CHD6: variants seen among roughly 807,000 people sequenced by gnomAD.
CHD6 encodes the protein chromodomain helicase DNA binding protein 6.
A neutral mutation model predicts 276.9 loss-of-function variants in CHD6; 50 were observed. That is an observed-to-expected ratio of 0.18 (90% CI 0.14 to 0.23). The LOEUF is 0.23. CHD6 is among the 10% of genes least tolerant of loss of function. The pLI is 1.00. For synonymous variants in CHD6, 1,173 were observed against 1,229.3 expected (o/e 0.95, Z 0.96); for missense variants, 2,564 against 3,365.8 (o/e 0.76, Z 5.89).
chr20:41,441,611 T>C (rs916842920), intron 25 of CHD6, among the ~76,000 whole-genome samples: 6 of 152,220 alleles, frequency 3.9e-5, no homozygotes. Flanking sequence ...CTCCCTGACC[T>C]GGGCAAGCTT....
chr20:41,497,605 A>C, intron 7 of CHD6, 104 bp from the exon 8 acceptor site: 1 of 824,582 alleles, frequency 1.2e-6, no homozygotes, highest in East Asian at 2.5e-5. Flanking sequence ...GAAATAGTAA[A>C]ATGGTTTATT....
rs1214757688 is a variant in CHD6 at position 41,473,267 on chromosome 20, T to C, written c.2664+55A>G. The C allele has an allele frequency of 5.2e-6, 8 of 1,546,628 alleles. No homozygotes were observed. Among genetic ancestry groups the C allele is most frequent in the Non-Finnish European group, 7.1e-6 (8 of 1,128,130 alleles). ...TCTGTAGCCAAGCCAGGCCCTATCA[T>C]GATGTTCTGGGATCCAGGGCAGCTA... On this transcript the variant is annotated intron_variant, in intron 17 of 36. Transcript: ENST00000373233. The surrounding 1 kb of genome is among the most constrained non-coding windows in gnomAD (Gnocchi z 4.1).
At chr20:41,429,332 T>G (rs984511785) in intron 27 of CHD6, among the ~76,000 whole-genome samples, 4 of 152,190 alleles carry the variant, frequency 2.6e-5, no homozygotes, top group Non-Finnish European at 4.4e-5. Flanking sequence ...TTTCTGTAGG[T>G]TCACTGAATC....
At chr20:41,590,000 C>A (rs914967936) in intron 1 of CHD6, among the ~76,000 whole-genome samples, 1 of 470 alleles carries the variant, frequency 2.1e-3, no homozygotes, top group South Asian at 0.083. Flanking sequence ...CAGCATGGTA[C>A]GGGTACAAAA....
chr20:41,458,671 C>T (rs1003401440), intron 17 of CHD6, among the ~76,000 whole-genome samples: 1 of 152,136 alleles, frequency 6.6e-6, no homozygotes, highest in African/African-American at 2.4e-5. Flanking sequence ...GACTGGTAGT[C>T]TTTCAATAGT....
chr20:41,412,852 A>G (rs1009787961), intron 35 of CHD6, among the ~76,000 whole-genome samples: 1 of 152,244 alleles, frequency 6.6e-6, no homozygotes, highest in African/African-American at 2.4e-5. Context: ...CTAAAGCAGA[A>G]TAACCATAAA....
chr20:41,550,496 T>TA (rs1260561360), intron 2 of CHD6, among the ~76,000 whole-genome samples: 2 of 152,138 alleles, frequency 1.3e-5, no homozygotes, highest in Non-Finnish European at 2.9e-5. Flanking sequence ...CCCATAACCC[T>TA]AAGTTACCCT....
chr20:41,548,991 T>C (rs1313632402), intron 2 of CHD6, among the ~76,000 whole-genome samples: 3 of 152,040 alleles, frequency 2.0e-5, no homozygotes, highest in African/African-American at 7.3e-5. Context: ...AGTCAGGAAA[T>C]AACAGGTGCT....
chr20:41,544,674 T>C (rs1482281863), intron 2 of CHD6, among the ~76,000 whole-genome samples: 1 of 150,194 alleles, frequency 6.7e-6, no homozygotes, highest in Admixed American at 6.7e-5. Flanking sequence ...ATGTTAATAT[T>C]TTATACTAAT....
chr20:41,421,303 T>C lies in CHD6; in HGVS notation c.5332A>G (p.Lys1778Glu). The C allele has an allele frequency of 6.2e-7, 1 of 1,614,180 alleles. No homozygotes were observed. Among genetic ancestry groups the C allele is most frequent in the Non-Finnish European group, 8.5e-7 (1 of 1,180,034 alleles). The change falls in exon 31 of 37, where the codon AAA (lysine) becomes GAA (glutamate). Residue 1778 changes from lysine (K) to glutamate (E), a missense_variant. By Grantham distance (56) the Lys-to-Glu change is moderately conservative (BLOSUM62 1). Coordinates refer to ENST00000373233, the MANE Select transcript of CHD6 (RefSeq NM_032221.5). ...TTTGAAATAGACATCAACAAATGTT[T>C]TCCATTTTTGATGTTTGCTTGAGCT... ...GVAQANIKNG[K>E]HLLMSISKEG...
chr20:41,612,330 T>G (rs772812782), intron 1 of CHD6, among the ~76,000 whole-genome samples: 1 of 152,228 alleles, frequency 6.6e-6, no homozygotes, highest in Non-Finnish European at 1.5e-5. Flanking sequence ...ATGACCTCTT[T>G]CATATCCTCT....
intron 1 of CHD6, among the ~76,000 whole-genome samples, chr20:41,555,977 A>T (rs2045228708): frequency 6.6e-6 from 1 of 152,250 alleles, no homozygotes; most frequent in Non-Finnish European, 1.5e-5. Flanking sequence ...GCACTGAGTG[A>T]GCCAGACTCC....
chr20:41,414,727 T>G (rs1309898208), intron 34 of CHD6: 6 of 636,648 alleles, frequency 9.4e-6, no homozygotes, highest in African/African-American at 1.9e-5. Context: ...AGGAGCAAAG[T>G]GAGTCTCAGT....
intron 35 of CHD6, among the ~76,000 whole-genome samples, chr20:41,412,477 G>C (rs1009254556): frequency 6.6e-6 from 1 of 152,222 alleles, no homozygotes; most frequent in African/African-American, 2.4e-5. Context: ...AAAACAGGCT[G>C]TGTGGGCACC....
chr20:41,541,796 C>T (rs751296597), intron 2 of CHD6, among the ~76,000 whole-genome samples: 6 of 152,198 alleles, frequency 3.9e-5, no homozygotes, highest in Non-Finnish European at 8.8e-5. Flanking sequence ...AAAACCTTTC[C>T]ACCCCCAAAT....
chr20:41,544,249 C>A (rs2044998924), intron 2 of CHD6, among the ~76,000 whole-genome samples: 1 of 151,834 alleles, frequency 6.6e-6, no homozygotes, highest in African/African-American at 2.4e-5. Context: ...CAAAAAAAAA[C>A]AAAGTTAGGC....
chr20:41,580,867 CT>C lies in CHD6; in HGVS notation c.-23-29508del, dbSNP rs372988218. ...CTGGGAAATTTATTTCTCTATTGAT[CT>C]TATTCCCCTAGGAATAGGGCAGATT... On this transcript the variant is annotated intron_variant, in intron 1 of 36. Coordinates refer to ENST00000373233, the MANE Select transcript of CHD6 (RefSeq NM_032221.5). Among the ~76,000 whole-genome samples the C allele has an allele frequency of 8.3e-4, 126 of 152,236 alleles. 1 individual carries two copies. The highest frequency in any genetic ancestry group is 2.9e-3 in the African/African-American group (121 of 41,538).
intron 1 of CHD6, among the ~76,000 whole-genome samples, chr20:41,589,096 A>C (rs1326000909): frequency 6.6e-6 from 1 of 152,206 alleles, no homozygotes; most frequent in African/African-American, 2.4e-5. Flanking sequence ...CTGGCATATA[A>C]ACAGAACCAA....
At position 41,415,511 on chromosome 20, in the gene CHD6, G is replaced by T. The variant is rs2046967654; in HGVS notation, c.6614C>A (p.Pro2205His). ...CCCATGCCAGCCATTGAGGATGATA[G>T]GGGTGTGCCCGTGGGTGGCAGAGAA... Reference protein sequence around the residue: ...EQFSATHGHTPIILNGWHGES... With the variant: ...EQFSATHGHTHIILNGWHGES... The change falls in exon 34 of 37, where the codon CCT becomes CAT. Residue 2205 changes from proline (P) to histidine (H), a missense_variant. Pro to His is a moderately conservative substitution (Grantham distance 77). Coordinates refer to ENST00000373233, the MANE Select transcript of CHD6 (RefSeq NM_032221.5). The T allele has an allele frequency of 1.2e-6, 2 of 1,614,120 alleles. No individual in the cohort carries two copies. The highest frequency in any genetic ancestry group is 2.2e-5 in the East Asian group (1 of 44,880).
Sources: gnomAD v4.1 joint callset for allele counts (sites outside exome capture counted in the v4.1 genomes callset) on GRCh38, gnomAD v4.1.1 for gene constraint, Gnocchi (gnomAD v3.1) non-coding constraint, MANE v1.5 for transcripts, NCBI Gene and HGNC (gene_info 2026-07-23, HGNC 2026-07-21) for gene names.